CMIP: variants seen among roughly 807,000 people sequenced by gnomAD.
CMIP encodes c-Maf inducing protein.
Under a neutral mutation model 97.3 loss-of-function variants are expected in CMIP, and 13 were observed. That is an observed-to-expected ratio of 0.13 (90% confidence interval 0.09 to 0.21). The LOEUF (loss-of-function observed/expected upper bound fraction) is 0.21, where lower values mean the gene tolerates loss of function less well. Among genes scored for constraint, CMIP ranks in the 10% least tolerant of loss-of-function variants. CMIP has a pLI of 1.00. For synonymous variants in CMIP, 538 were observed against 436.3 expected (o/e 1.23, Z -2.91); for missense variants, 847 against 1,024.9 (o/e 0.83, Z 2.37).
In CMIP at chr16:81,445,178, C is replaced by A. The variant is rs1020849098; in HGVS notation, c.-64C>A. 27 of 1,126,018 alleles carry A rather than the reference C, an allele frequency of 2.4e-5. No individual in the cohort carries two copies. Among genetic ancestry groups the A allele is most frequent in the Middle Eastern group, 6.3e-4 (2 of 3,162 alleles). The allele number at this position is 1,126,018 out of a possible 1,614,324, so 69.8% of individuals were successfully genotyped here. A position where few individuals can be genotyped will look rare whatever the true frequency, so the allele number is the denominator to read the frequency against. ...TGCGGGCCGCCGGATCCGGGGGCCC[C>A]GCCGCCCCAGCAGCCCAGGACAGCC... On this transcript the variant is annotated 5_prime_UTR_variant, in exon 1 of 21. Transcript: ENST00000537098.
chr16:81,445,100 C>A lies in CMIP; in HGVS notation c.-142C>A. ...GCCCCCCGCGGGCAGCGCCCCCTCC[C>A]CTGCGGGCGCCCCCAGCCCCACACC... On this transcript the variant is annotated 5_prime_UTR_variant, in exon 1 of 21. Coordinates refer to ENST00000537098, the MANE Select transcript of CMIP (RefSeq NM_198390.3). 1 of 329,120 alleles carries A rather than the reference C, an allele frequency of 3.0e-6. No homozygotes were observed. The allele number at this position is 329,120 out of a possible 1,614,324, so 20.4% of individuals were successfully genotyped here.
At chr16:81,471,205 C>G (rs117424567) in intron 1 of CMIP, among the ~76,000 whole-genome samples, 2 of 152,116 alleles carry the variant, frequency 1.3e-5, no homozygotes, top group Non-Finnish European at 2.9e-5. Flanking sequence ...TACTCACATG[C>G]GCACACACAT....
intron 17 of CMIP, 143 bp downstream of exon 17, chr16:81,702,812 G>T (rs1370695980): frequency 4.2e-6 from 3 of 707,166 alleles, no homozygotes; most frequent in Non-Finnish European, 7.6e-6. Flanking sequence ...TAACACGCCA[G>T]CTCTTCCAGG....
At chr16:81,588,663 C>G (rs1174448984) in intron 1 of CMIP, among the ~76,000 whole-genome samples, 5 of 152,174 alleles carry the variant, frequency 3.3e-5, no homozygotes, top group Admixed American at 2.6e-4. Context: ...CTTATCATCA[C>G]TTAACATCCT....
At chr16:81,548,069 ATTGT>A in intron 1 of CMIP, among the ~76,000 whole-genome samples, 1 of 151,372 alleles carries the variant, frequency 6.6e-6, no homozygotes, top group South Asian at 2.1e-4. Flanking sequence ...TGACCCAAGC[ATTGT>A]AGTATATACA....
intron 1 of CMIP, among the ~76,000 whole-genome samples, chr16:81,484,137 A>T (rs769509408): frequency 2.0e-5 from 3 of 151,880 alleles, no homozygotes; most frequent in Non-Finnish European, 4.4e-5. Context: ...GTCCTTGGCC[A>T]TCATCTTTTT....
chr16:81,566,690 G>T (rs1383003302), intron 1 of CMIP, among the ~76,000 whole-genome samples: 1 of 152,132 alleles, frequency 6.6e-6, no homozygotes, highest in East Asian at 1.9e-4. Context: ...TCTACTAACA[G>T]ACATAAACAA....
At chr16:81,639,640 T>A (rs1173403587) in intron 3 of CMIP, among the ~76,000 whole-genome samples, 2 of 152,246 alleles carry the variant, frequency 1.3e-5, no homozygotes, top group Admixed American at 1.3e-4. Context: ...CTTATGTCTC[T>A]CTTTATCCAT....
At chr16:81,691,560 T>C (rs1000533456) in intron 10 of CMIP, 3 of 593,016 alleles carry the variant, frequency 5.1e-6, no homozygotes, top group South Asian at 4.0e-5. Context: ...TCGGGTGCCA[T>C]GAGGAAGTCT....
chr16:81,552,326 C>T (rs942082183), intron 1 of CMIP, among the ~76,000 whole-genome samples: 4 of 152,130 alleles, frequency 2.6e-5, no homozygotes, highest in Admixed American at 6.5e-5. Flanking sequence ...TTTCCTGTGG[C>T]CTCTGTGACA....
chr16:81,652,209 A>G lies in CMIP; in HGVS notation c.484A>G (p.Ile162Val). 6.2e-7 allele frequency: 1 copy of G among 1,612,592 alleles called. No homozygotes were observed. The highest frequency in any genetic ancestry group is 8.5e-7 in the Non-Finnish European group (1 of 1,178,894). The change falls in exon 4 of 21, where the codon ATT becomes GTT. Residue 162 changes from isoleucine (I) to valine (V), a missense_variant. Transcript: ENST00000537098. The surrounding 1 kb of genome is among the most constrained non-coding windows in gnomAD (Gnocchi z 5.2). ...WFHSLQWKKK[I>V]YKYKKVLSNP... ...CTTTATCTCTTTCAACCAGAAAAAG[A>G]TTTACAAATATAAGAAAGTGCTGAG...
chr16:81,511,387 C>T (rs766405429), intron 1 of CMIP, among the ~76,000 whole-genome samples: 34 of 152,106 alleles, frequency 2.2e-4, no homozygotes, highest in Non-Finnish European at 2.5e-4. Context: ...TTTAAGATTC[C>T]GGACGTGGTC....
intron 1 of CMIP, among the ~76,000 whole-genome samples, chr16:81,553,064 G>T (rs1053732398): frequency 1.3e-5 from 2 of 152,174 alleles, no homozygotes; most frequent in Non-Finnish European, 2.9e-5. Context: ...GGTGAGGTGG[G>T]GATAAATGTT....
At chr16:81,566,006 C>T (rs967643940) in intron 1 of CMIP, among the ~76,000 whole-genome samples, 8 of 152,168 alleles carry the variant, frequency 5.3e-5, no homozygotes, top group African/African-American at 1.9e-4. Context: ...AGGCGAGAAA[C>T]TCGGGAGGCC....
intron 10 of CMIP, among the ~76,000 whole-genome samples, chr16:81,680,765 C>T (rs1340260842): frequency 2.0e-5 from 3 of 152,218 alleles, no homozygotes; most frequent in Admixed American, 2.0e-4. Flanking sequence ...AGGGGGCTCC[C>T]TGCTCTGATG....
chr16:81,630,921 C>A (rs1351738602), intron 3 of CMIP: 1 of 152,234 alleles, frequency 6.6e-6, no homozygotes, highest in Non-Finnish European at 1.5e-5. Context: ...TCCAGCCTGG[C>A]AGCCTCTTTG....
intron 1 of CMIP, among the ~76,000 whole-genome samples, chr16:81,514,720 T>A (rs1295511862): frequency 6.6e-6 from 1 of 152,178 alleles, no homozygotes; most frequent in African/African-American, 2.4e-5. Flanking sequence ...TCCAGACTTC[T>A]CTGTGCCTCA....
At chr16:81,689,583 A>G (rs1006848116) in intron 10 of CMIP, among the ~76,000 whole-genome samples, 5 of 151,782 alleles carry the variant, frequency 3.3e-5, no homozygotes, top group Non-Finnish European at 7.4e-5. Flanking sequence ...GATTGTAAAA[A>G]TTTTCTCCCA....
chr16:81,678,449 C>T lies in CMIP; in HGVS notation c.1209C>T (p.His403=), dbSNP rs762619259. The change falls in exon 10 of 21, where the codon CAC becomes CAT. Residue 403 remains histidine (H), a synonymous_variant. Coordinates refer to ENST00000537098, the MANE Select transcript of CMIP (RefSeq NM_198390.3). ...KSVVVASSEI[H]VEVERTSTAK... ...TGGTCGTGGCCTCCAGTGAGATCCACGTGGAGGTGGAACGCACCAGCACTG... is the reference window on the plus strand; with the variant it reads ...TGGTCGTGGCCTCCAGTGAGATCCATGTGGAGGTGGAACGCACCAGCACTG... 1.5e-5 allele frequency: 24 copies of T among 1,590,474 alleles called. No homozygotes were observed. Among genetic ancestry groups the T allele is most frequent in the Admixed American group, 3.6e-5 (2 of 56,252 alleles).
Sources: gnomAD v4.1 joint callset for allele counts (sites outside exome capture counted in the v4.1 genomes callset) on GRCh38, gnomAD v4.1.1 for gene constraint, Gnocchi (gnomAD v3.1) non-coding constraint, MANE v1.5 for transcripts, NCBI Gene and HGNC (gene_info 2026-07-23, HGNC 2026-07-21) for gene names.